Variants in CLIC5 observed in about 807,000 individuals in gnomAD.
The protein encoded by CLIC5 is chloride intracellular channel protein 5.
CLIC5 carries 20 observed loss-of-function variants against 24.7 expected under a neutral mutation model. That is an observed-to-expected ratio of 0.81 (90% CI 0.57 to 1.18). The LOEUF (loss-of-function observed/expected upper bound fraction) is 1.18, where lower values mean the gene tolerates loss of function less well. Among genes scored for constraint, CLIC5 ranks in the 50% most tolerant of loss-of-function variants. The pLI is 0.00. For missense variants in CLIC5, 341 were observed against 326.1 expected, an observed-to-expected ratio of 1.05 and a Z score of -0.35; for synonymous variants, 159 against 135.6, an observed-to-expected ratio of 1.17 and a Z score of -1.20.
chr6:46,128,885 C>A, the CLIC5 span, among the ~76,000 whole-genome samples: 16 of 152,316 alleles, frequency 1.1e-4, no homozygotes, highest in East Asian at 2.1e-3. Flanking sequence ...TAATAATCAA[C>A]GGAATACATC....
intron 4 of CLIC5, among the ~76,000 whole-genome samples, chr6:45,929,935 G>A (rs1763662367): frequency 1.3e-5 from 2 of 152,172 alleles, no homozygotes; most frequent in African/African-American, 4.8e-5. Flanking sequence ...GGGGGGTGCC[G>A]CATCCATCCC....
chr6:45,947,583 C>T (rs1233186840), intron 3 of CLIC5, among the ~76,000 whole-genome samples: 2 of 152,184 alleles, frequency 1.3e-5, no homozygotes, highest in African/African-American at 2.4e-5. Flanking sequence ...CTCCTGAGTG[C>T]CAGTGTTACT....
At chr6:45,979,115 G>A (rs1238615157) in intron 1 of CLIC5, among the ~76,000 whole-genome samples, 1 of 152,080 alleles carries the variant, frequency 6.6e-6, no homozygotes, top group Admixed American at 6.6e-5. Flanking sequence ...TATTCACTGG[G>A]ATATAACCTT....
intron 5 of CLIC5, chr6:45,912,328 G>T: frequency 2.0e-6 from 2 of 1,018,000 alleles, no homozygotes; most frequent in Non-Finnish European, 2.4e-6. Flanking sequence ...CAGCTTCTCT[G>T]GGTTAACCAC....
At chr6:46,086,257 T>A in the CLIC5 span, among the ~76,000 whole-genome samples, 1 of 152,240 alleles carries the variant, frequency 6.6e-6, no homozygotes, top group Non-Finnish European at 1.5e-5. Flanking sequence ...CCCAGTGTCC[T>A]GTGCCCACTG....
At chr6:46,068,450 A>G (rs1041498395) in intron 1 of CLIC5, among the ~76,000 whole-genome samples, 8 of 152,046 alleles carry the variant, frequency 5.3e-5, no homozygotes, top group African/African-American at 1.2e-4. Context: ...CCTTCATTCA[A>G]CCATCATTTT....
At chr6:45,998,045 C>T (rs1003308095) in intron 1 of CLIC5, among the ~76,000 whole-genome samples, 1 of 152,218 alleles carries the variant, frequency 6.6e-6, no homozygotes, top group Non-Finnish European at 1.5e-5. Context: ...AATGTGTGAC[C>T]TCATAAGACA....
At chr6:45,888,425 A>G (rs759680261) in intron 6 of CLIC5, among the ~76,000 whole-genome samples, 25 of 152,202 alleles carry the variant, frequency 1.6e-4, no homozygotes, top group Non-Finnish European at 2.8e-4. Flanking sequence ...GCAATGGTCA[A>G]TTAACCACCT....
intron 1 of CLIC5, among the ~76,000 whole-genome samples, chr6:45,978,119 G>C (rs1026124609): frequency 6.6e-6 from 1 of 152,202 alleles, no homozygotes; most frequent in African/African-American, 2.4e-5. Context: ...AATATGGTGT[G>C]GTACTTAAAA....
intron 1 of CLIC5, among the ~76,000 whole-genome samples, chr6:46,006,127 C>CATATATATATATATATATATAT (rs58643121): frequency 4.3e-4 from 15 of 35,122 alleles, no homozygotes; most frequent in South Asian, 3.0e-3. Flanking sequence ...TGTATAAATA[C>CATATATATATATATATATATAT]ATATATATAT....
chr6:45,955,390 G>A (rs551932791), intron 1 of CLIC5, 146 bp from the exon 2 acceptor site: 8 of 586,380 alleles, frequency 1.4e-5, no homozygotes, highest in Admixed American at 3.3e-5. Context: ...GATATTATTA[G>A]TTTTTGCCTT....
intron 6 of CLIC5, among the ~76,000 whole-genome samples, chr6:45,882,633 G>A (rs1039694969): frequency 6.6e-6 from 1 of 152,232 alleles, no homozygotes; most frequent in Admixed American, 6.5e-5. Context: ...AGATACGCAT[G>A]TGTTTTTGTT....
chr6:46,000,656 C>T (rs1302930135), intron 1 of CLIC5, among the ~76,000 whole-genome samples: 1 of 152,128 alleles, frequency 6.6e-6, no homozygotes, highest in African/African-American at 2.4e-5. Flanking sequence ...TAGAATGCAC[C>T]TCTTCACAGG....
chr6:45,957,301 A>G (rs1764677633), intron 1 of CLIC5, among the ~76,000 whole-genome samples: 1 of 152,212 alleles, frequency 6.6e-6, no homozygotes, highest in Non-Finnish European at 1.5e-5. Flanking sequence ...AAGGATTTAC[A>G]TATGTTATTA....
chr6:45,916,923 G>A (rs558008858), intron 4 of CLIC5, among the ~76,000 whole-genome samples: 10 of 152,288 alleles, frequency 6.6e-5, no homozygotes, highest in South Asian at 2.1e-4. Context: ...GGTAACAGCC[G>A]TGGTAGAGGA....
At chr6:46,090,411 T>C in the CLIC5 span, among the ~76,000 whole-genome samples, 1 of 151,898 alleles carries the variant, frequency 6.6e-6, no homozygotes, top group Admixed American at 6.6e-5. Flanking sequence ...ATGGGTTTTT[T>C]TTTTTTTTCC....
At chr6:46,103,796 A>G in the CLIC5 span, among the ~76,000 whole-genome samples, 6 of 152,118 alleles carry the variant, frequency 3.9e-5, no homozygotes, top group East Asian at 1.2e-3. Flanking sequence ...TTTGGCTCCT[A>G]CTGTTTTGTT....
At chr6:46,032,952 G>A (rs553089703) in intron 1 of CLIC5, among the ~76,000 whole-genome samples, 1 of 147,656 alleles carries the variant, frequency 6.8e-6, no homozygotes, top group Non-Finnish European at 1.5e-5. Flanking sequence ...CACAAATATT[G>A]AATCTAAGGG....
In CLIC5 at chr6:45,962,063, TACAC is replaced by T. The variant is rs74732121; in HGVS notation, c.64-6823_64-6820del. 8.3e-3 allele frequency among the ~76,000 whole-genome samples: 1,204 copies of T among 145,286 alleles called. 8 individuals carry two copies. The highest frequency in any genetic ancestry group is 0.03 in the East Asian group (148 of 4,878). The stretch of plus-strand genomic sequence containing the variant: ...ATATATACATACACATATATGTACA[TACAC>T]ACACACACACACACACACACACACA... On this transcript the variant is annotated intron_variant, in intron 1 of 5. Coordinates refer to ENST00000339561, the MANE Select transcript of CLIC5 (RefSeq NM_016929.5).
Sources: allele counts gnomAD v4.1 joint callset (sites outside exome capture counted in the v4.1 genomes callset), GRCh38; gene constraint gnomAD v4.1.1; transcripts MANE v1.5; gene names NCBI Gene and HGNC (gene_info 2026-07-23, HGNC 2026-07-21).